ASGR2: variants seen among roughly 807,000 people sequenced by gnomAD.
The protein encoded by ASGR2 is C-type lectin domain family 4 member H2.
Under a neutral mutation model 32.3 loss-of-function variants are expected in ASGR2, and 34 were observed. The ratio of observed to expected loss-of-function variants is 1.05; its 90% CI spans 0.80 to 1.40. The LOEUF (loss-of-function observed/expected upper bound fraction) is 1.40. Among genes scored for constraint, ASGR2 ranks in the 40% most tolerant of loss-of-function variants. The probability of loss-of-function intolerance (pLI) is 0.00; values close to 1 mark genes in which losing one functional copy is unlikely to be tolerated. For missense variants in ASGR2, 385 were observed against 386.4 expected (o/e 1.00, Z 0.03); for synonymous variants, 143 against 150.0 (o/e 0.95, Z 0.34).
intron 7 of ASGR2, among the ~76,000 whole-genome samples, chr17:7,104,382 T>A (rs1035420073): frequency 1.1e-4 from 15 of 134,378 alleles, no homozygotes; most frequent in African/African-American, 3.1e-4. Flanking sequence ...CCAGGCGTAG[T>A]GGCTCATGCC....
At position 7,108,469 on chromosome 17, in the gene ASGR2, G is replaced by C. The variant is rs1213584583; in HGVS notation, c.330C>G (p.Ser110Arg). Reference sequence around the variant, plus strand: ...AGCCGTCCAGCCCCTCACCGTGGGTGCTGATTGCCTGGACCTCCGTCAGGG... The same window carrying C: ...AGCCGTCCAGCCCCTCACCGTGGGTCCTGATTGCCTGGACCTCCGTCAGGG... Reference protein sequence around the residue: ...SSTLTEVQAISTHGGSVGDKI... With the variant: ...SSTLTEVQAIRTHGGSVGDKI... Residue 110 changes from serine (S) to arginine (R), a missense_variant, in exon 4 of 9, where the codon AGC becomes AGG. By Grantham distance (110) the Ser-to-Arg change is moderately radical. Transcript: ENST00000691900. The surrounding 1 kb of genome is among the most constrained non-coding windows in gnomAD (Gnocchi z 4.9). The C allele has an allele frequency of 6.2e-7, 1 of 1,602,722 alleles. No homozygotes were observed. The highest frequency in any genetic ancestry group is 2.2e-5 in the East Asian group (1 of 44,554).
rs755735867 is a variant in ASGR2, at chr17:7,114,292, G to T, written c.-52C>A. ...TGGAGCTGGGCTGGGCTGGGCTGAG[G>T]TTGCTCTGAGGGCTGGGGCTGGGGC... On this transcript the variant is annotated 5_prime_UTR_variant, in exon 2 of 9. Transcript: ENST00000691900. This position sits in a 1 kb window ranked among gnomAD's most constrained non-coding sequence, Gnocchi z 4.5. 1 of 1,582,358 alleles carries T rather than the reference G, an allele frequency of 6.3e-7. No homozygotes were observed. Among genetic ancestry groups the T allele is most frequent in the Admixed American group, 1.7e-5 (1 of 58,826 alleles).
intron 2 of ASGR2, among the ~76,000 whole-genome samples, chr17:7,109,666 A>G (rs1914371586): frequency 6.6e-6 from 1 of 151,940 alleles, no homozygotes; most frequent in African/African-American, 2.4e-5. Flanking sequence ...ACTGACACAC[A>G]CATTCACATG....
intron 7 of ASGR2, among the ~76,000 whole-genome samples, chr17:7,104,985 A>G (rs1340864390): frequency 6.6e-6 from 1 of 151,092 alleles, no homozygotes. Flanking sequence ...CAAAAAAAAA[A>G]AAAATTTTTT....
chr17:7,110,972 G>C (rs1414383191), intron 2 of ASGR2, among the ~76,000 whole-genome samples: 1 of 152,218 alleles, frequency 6.6e-6, no homozygotes, highest in Non-Finnish European at 1.5e-5. Context: ...AGGAGATGGA[G>C]CTGAGAGTCC....
chr17:7,114,733 A>C lies in ASGR2; in HGVS notation c.-189T>G. The C allele has an allele frequency of 1.0e-6, 1 of 1,002,732 alleles. No individual in the cohort carries two copies. Among genetic ancestry groups the C allele is most frequent in the Non-Finnish European group, 1.2e-6 (1 of 839,640 alleles). The allele number at this position is 1,002,732 out of a possible 1,614,324, so 62.1% of individuals were successfully genotyped here. On this transcript the variant is annotated 5_prime_UTR_variant, in exon 1 of 9. Coordinates refer to ENST00000691900, the MANE Select transcript of ASGR2 (RefSeq NM_001201352.2). The surrounding 1 kb of genome is among the most constrained non-coding windows in gnomAD (Gnocchi z 4.5). ...GAGCTCACAGGGGAGAGGAGAGTGG[A>C]GGAGGGGCTGGTCCGGGCAAGGCCT...
At chr17:7,114,938 G>A (rs1915282621), upstream of ASGR2, 3 of 981,270 alleles carry the variant, frequency 3.1e-6, no homozygotes, top group Non-Finnish European at 3.6e-6. The surrounding 1 kb of genome is among the most constrained non-coding windows in gnomAD (Gnocchi z 4.5). Flanking sequence ...AACTCCACAC[G>A]CCACTCACCC....
chr17:7,110,814 T>C (rs1258011962), intron 2 of ASGR2, among the ~76,000 whole-genome samples: 1 of 152,038 alleles, frequency 6.6e-6, no homozygotes, highest in African/African-American at 2.4e-5. Flanking sequence ...ACTCTGGACA[T>C]CAGGCAAGGA....
At chr17:7,111,682 A>C (rs1202239610) in intron 2 of ASGR2, among the ~76,000 whole-genome samples, 1 of 151,348 alleles carries the variant, frequency 6.6e-6, no homozygotes, top group African/African-American at 2.4e-5. Context: ...AAAAGAAAGA[A>C]AAGAAAAAAC....
chr17:7,114,167 C>T lies in ASGR2; in HGVS notation c.74G>A (p.Gly25Glu). 6.2e-7 allele frequency: 1 copy of T among 1,614,160 alleles called. No individual in the cohort carries two copies. Among genetic ancestry groups the T allele is most frequent in the Non-Finnish European group, 8.5e-7 (1 of 1,180,044 alleles). The change falls in exon 2 of 9, where the codon GGG (glycine) becomes GAG (glutamate). Residue 25 changes from glycine (G) to glutamate (E), a missense_variant. By Grantham distance (98) the Gly-to-Glu change is moderately conservative. Coordinates refer to ENST00000691900, the MANE Select transcript of ASGR2 (RefSeq NM_001201352.2). This position sits in a 1 kb window ranked among gnomAD's most constrained non-coding sequence, Gnocchi z 4.5. ...ENDHPFHQGE[G>E]PGTRRLNPRR... is the part of the protein sequence containing the mutation. ...GGGATTCAGCCTGCGAGTGCCTGGC[C>T]CCTCACCTTGATGGAAAGGATGGTC...
chr17:7,112,424 C>T (rs200927499), intron 2 of ASGR2, among the ~76,000 whole-genome samples: 10 of 152,160 alleles, frequency 6.6e-5, no homozygotes, highest in Admixed American at 4.6e-4. Context: ...AGCCCATTCG[C>T]GTGAGCTCAC....
chr17:7,113,387 C>T lies in ASGR2; in HGVS notation c.124+730G>A, dbSNP rs546556213. On this transcript the variant is annotated intron_variant, in intron 2 of 8. Coordinates refer to ENST00000691900, the MANE Select transcript of ASGR2 (RefSeq NM_001201352.2). The surrounding 1 kb of genome is among the most constrained non-coding windows in gnomAD (Gnocchi z 5.1). ...ACATACATAACACACTCACAACATA[C>T]ACACACAACACACACACTCGCACAA... 8.1e-3 allele frequency among the ~76,000 whole-genome samples: 855 copies of T among 106,060 alleles called. 7 individuals carry two copies. Among genetic ancestry groups the T allele is most frequent in the African/African-American group, 0.022 (778 of 35,464 alleles). 69.6% of individuals were successfully genotyped at this position (106,060 alleles called of 152,430 possible). A position where few individuals can be genotyped will look rare whatever the true frequency, so the allele number is the denominator to read the frequency against.
chr17:7,108,970 G>A lies in ASGR2; in HGVS notation c.125-82C>T. The A allele has an allele frequency of 9.4e-7, 1 of 1,065,772 alleles. No individual in the cohort carries two copies. The highest frequency in any genetic ancestry group is 1.3e-6 in the Non-Finnish European group (1 of 774,926). 66.0% of individuals were successfully genotyped at this position (1,065,772 alleles called of 1,614,324 possible). On this transcript the variant is annotated intron_variant, in intron 2 of 8. Coordinates refer to ENST00000691900, the MANE Select transcript of ASGR2 (RefSeq NM_001201352.2). The surrounding 1 kb of genome is among the most constrained non-coding windows in gnomAD (Gnocchi z 4.9). ...AGACAGGGCACCGAAGCCTGAGGAGGCATAACCTGGGCGGGGGGATTGGTT... is the reference window on the plus strand; with the variant it reads ...AGACAGGGCACCGAAGCCTGAGGAGACATAACCTGGGCGGGGGGATTGGTT...
At chr17:7,104,616 A>G (rs886193782) in intron 7 of ASGR2, among the ~76,000 whole-genome samples, 5 of 152,114 alleles carry the variant, frequency 3.3e-5, no homozygotes, top group African/African-American at 4.8e-5. Context: ...GTGTCACTGC[A>G]CTCCAGCCTG....
Position 7,113,595 on chromosome 17 carries a change from CAT to C in ASGR2, c.124+520_124+521del, listed in dbSNP as rs1915062563. Reference sequence around the variant, plus strand: ...AACATACACACACTCACATACACAACATACACTCGCACAACATACACACATGC... The same window carrying C: ...AACATACACACACTCACATACACAACACACTCGCACAACATACACACATGC... On this transcript the variant is annotated intron_variant, in intron 2 of 8. Transcript: ENST00000691900. The surrounding 1 kb of genome is among the most constrained non-coding windows in gnomAD (Gnocchi z 5.1). 6.6e-6 allele frequency among the ~76,000 whole-genome samples: 1 copy of C among 151,300 alleles called. No individual in the cohort carries two copies. The highest frequency in any genetic ancestry group is 1.5e-5 in the Non-Finnish European group (1 of 67,828).
intron 2 of ASGR2, among the ~76,000 whole-genome samples, chr17:7,109,203 A>AG: frequency 6.7e-6 from 1 of 149,848 alleles, no homozygotes; most frequent in Non-Finnish European, 1.5e-5. Flanking sequence ...GGAGACGCAC[A>AG]GGGGGCGGGG....
In ASGR2 at chr17:7,114,212, T is replaced by A; in HGVS notation, c.29A>T (p.Gln10Leu). 1 of 1,614,190 alleles carries A rather than the reference T, an allele frequency of 6.2e-7. No homozygotes were observed. The highest frequency in any genetic ancestry group is 8.5e-7 in the Non-Finnish European group (1 of 1,180,038). The part of the protein sequence containing the change: MAKDFQDIQ[Q>L]LSSEENDHPF... ...ATGGTCATTTTCCTCCGAGCTCAGC[T>A]GCTGGATATCTTGAAAGTCCTTGGC... Residue 10 changes from glutamine to leucine, a missense_variant, in exon 2 of 9, where the codon CAG becomes CTG. Physicochemically the swap from Gln to Leu is moderately radical, Grantham distance 113. Coordinates refer to ENST00000691900, the MANE Select transcript of ASGR2 (RefSeq NM_001201352.2). The surrounding 1 kb of genome is among the most constrained non-coding windows in gnomAD (Gnocchi z 4.5).
rs755108883 is a variant in ASGR2, at chr17:7,108,870, G to A, written c.143C>T (p.Pro48Leu). The change falls in exon 3 of 9, where the codon CCC becomes CTC. Residue 48 changes from proline (P) to leucine (L), a missense_variant. By Grantham distance (98) the Pro-to-Leu change is moderately conservative. Transcript: ENST00000691900. The surrounding 1 kb of genome is among the most constrained non-coding windows in gnomAD (Gnocchi z 4.9). ...CATGGAGCAGAGACGCTGTGCCAGG[G>A]GCTGGGCAGGAGGTGGCCCTGTGGG... is the stretch of plus-strand genomic sequence containing the variant. Reference protein sequence around the residue: ...PFLKGPPPAQPLAQRLCSMVC... With the variant: ...PFLKGPPPAQLLAQRLCSMVC... The A allele has an allele frequency of 3.8e-5, 60 of 1,591,170 alleles. No individual in the cohort carries two copies. In the Admixed American group the frequency reaches 3.8e-4, roughly 10 times the overall value.
At chr17:7,102,679 A>G (rs981393364) in intron 7 of ASGR2, among the ~76,000 whole-genome samples, 7 of 152,100 alleles carry the variant, frequency 4.6e-5, no homozygotes, top group African/African-American at 1.7e-4. Context: ...CCCAGACCCC[A>G]GACCCACTGA....
Sources: allele counts gnomAD v4.1 joint callset (sites outside exome capture counted in the v4.1 genomes callset), GRCh38; gene constraint gnomAD v4.1.1; non-coding constraint Gnocchi (gnomAD v3.1); transcripts MANE v1.5; gene names NCBI Gene and HGNC (gene_info 2026-07-23, HGNC 2026-07-21).